SHISAL1: variants seen among roughly 807,000 people sequenced by gnomAD.
SHISAL1 encodes protein shisa-like-1.
A neutral mutation model predicts 22.6 loss-of-function variants in SHISAL1; 9 were observed. That is an observed-to-expected ratio of 0.40 (90% CI 0.24 to 0.70). The LOEUF is 0.70. Among genes scored for constraint, SHISAL1 ranks in the 30% least tolerant of loss-of-function variants. The pLI, the probability that SHISAL1 is intolerant of heterozygous loss-of-function variation, is 0.39. For missense variants in SHISAL1, 246 were observed against 270.6 expected (o/e 0.91, Z 0.64); for synonymous variants, 119 against 115.4 (o/e 1.03, Z -0.20).
chr22:44,286,968 C>G (rs2055320437), intron 3 of SHISAL1, among the ~76,000 whole-genome samples: 1 of 149,026 alleles, frequency 6.7e-6, no homozygotes, highest in Middle Eastern at 3.2e-3. Flanking sequence ...CAGTGTCCGG[C>G]CTGTACACGC....
At chr22:44,303,817 C>A (rs12160656) in intron 1 of SHISAL1, among the ~76,000 whole-genome samples, 2 of 152,192 alleles carry the variant, frequency 1.3e-5, no homozygotes, top group East Asian at 3.9e-4. Context: ...GAATCCCACC[C>A]GGGTGGGAGA....
At chr22:44,302,181 A>G (rs759693634) in intron 1 of SHISAL1, among the ~76,000 whole-genome samples, 2 of 152,060 alleles carry the variant, frequency 1.3e-5, no homozygotes, top group African/African-American at 2.4e-5. Context: ...TCTCTACGAA[A>G]AATACAAAAT....
At position 44,266,982 on chromosome 22, in the gene SHISAL1, T is replaced by A. The variant is rs557225682; in HGVS notation, c.*-17297A>T. On this transcript the variant is annotated intron_variant, in intron 4 of 4. Transcript: ENST00000381176. ...TAAAAGGCAGGCAGTGGGGTGGGGA[T>A]GACAAAGCTATTTGGTGCCAGCTAT... is the stretch of plus-strand genomic sequence containing the variant. Among the ~76,000 whole-genome samples the A allele has an allele frequency of 8.5e-5, 13 of 152,240 alleles. 1 individual carries two copies. The highest frequency in any genetic ancestry group is 5.9e-4 in the Admixed American group (9 of 15,306).
intron 3 of SHISAL1, among the ~76,000 whole-genome samples, chr22:44,292,322 G>A (rs1267815406): frequency 1.3e-5 from 2 of 152,184 alleles, no homozygotes; most frequent in African/African-American, 2.4e-5. Flanking sequence ...CTAGGATACT[G>A]GAACATCCAG....
intron 3 of SHISAL1, among the ~76,000 whole-genome samples, chr22:44,295,619 T>C (rs902185276): frequency 8.5e-5 from 13 of 152,060 alleles, no homozygotes; most frequent in Non-Finnish European, 1.3e-4. Flanking sequence ...TATGGAAACA[T>C]TCAACAAGGA....
At chr22:44,306,954 G>A (rs2055483498) in intron 1 of SHISAL1, among the ~76,000 whole-genome samples, 2 of 151,796 alleles carry the variant, frequency 1.3e-5, no homozygotes, top group Middle Eastern at 6.9e-3. Context: ...GATGGCGTGT[G>A]TGGAGGGGAC....
chr22:44,261,569 C>A (rs1473247399), intron 4 of SHISAL1, among the ~76,000 whole-genome samples: 1 of 152,198 alleles, frequency 6.6e-6, no homozygotes, highest in Admixed American at 6.5e-5. Context: ...GGCCTTATAC[C>A]ACTCTAGGCC....
intron 4 of SHISAL1, among the ~76,000 whole-genome samples, chr22:44,280,360 G>C (rs949134688): frequency 6.6e-6 from 1 of 152,076 alleles, no homozygotes; most frequent in African/African-American, 2.4e-5. Context: ...GTGTGGCCTT[G>C]GGCAAGTCAC....
intron 4 of SHISAL1, among the ~76,000 whole-genome samples, chr22:44,262,524 G>A (rs949764873): frequency 6.6e-6 from 1 of 152,230 alleles, no homozygotes. Flanking sequence ...CAGCCTCAGG[G>A]GTGGGGACCA....
In SHISAL1 at chr22:44,247,080, C is replaced by CAGTTCTAGCTGT. The variant is rs2055007666; in HGVS notation, c.*2593_*2604dup. 1 of 152,150 alleles carries CAGTTCTAGCTGT rather than the reference C, an allele frequency of 6.6e-6. No homozygotes were observed. Among genetic ancestry groups the CAGTTCTAGCTGT allele is most frequent in the Non-Finnish European group, 1.5e-5 (1 of 68,084 alleles). The allele number at this position is 152,150 out of a possible 1,614,324, so 9.4% of individuals were successfully genotyped here. Reference sequence around the variant, plus strand: ...TCTCAAGGGATGCTTAGGTGAACCCCAGTTCTAGCTGTCTATTTGGCAGTG... The same window carrying CAGTTCTAGCTGT: ...TCTCAAGGGATGCTTAGGTGAACCCCAGTTCTAGCTGTAGTTCTAGCTGTCTATTTGGCAGTG... On this transcript the variant is annotated 3_prime_UTR_variant, in exon 5 of 5. Transcript: ENST00000381176.
rs1338227595 is a variant in SHISAL1, at chr22:44,272,197, C to G, written c.599+13231G>C. Among the ~76,000 whole-genome samples the G allele has an allele frequency of 3.3e-5, 5 of 152,132 alleles. No individual in the cohort carries two copies. The East Asian group carries it at 9.6e-4, about 29-fold the overall frequency. On this transcript the variant is annotated intron_variant, in intron 4 of 4. Transcript: ENST00000381176. ...GTTGCCTTTCTCCCAACAGCTGCACCCTGGGCCCAGAGACACACAATCTCC... is the reference window on the plus strand; with the variant it reads ...GTTGCCTTTCTCCCAACAGCTGCACGCTGGGCCCAGAGACACACAATCTCC...
rs1362591597 is a variant in SHISAL1 at position 44,243,833 on chromosome 22, T to TATC, written c.*5849_*5851dup. The TATC allele has an allele frequency of 2.0e-5, 3 of 152,220 alleles. No homozygotes were observed. Among genetic ancestry groups the TATC allele is most frequent in the African/African-American group, 7.2e-5 (3 of 41,458 alleles). 9.4% of individuals were successfully genotyped at this position (152,220 alleles called of 1,614,324 possible). A position where few individuals can be genotyped will look rare whatever the true frequency, so the allele number is the denominator to read the frequency against. On this transcript the variant is annotated 3_prime_UTR_variant, in exon 5 of 5. Transcript: ENST00000381176. The stretch of plus-strand genomic sequence containing the variant: ...TATTATTGGTTTTGGTTTTCCCGGT[T>TATC]ATCAGCTCTCAGGGAGACCCCATGC...
chr22:44,304,225 C>T (rs1174058599), intron 1 of SHISAL1, among the ~76,000 whole-genome samples: 1 of 152,158 alleles, frequency 6.6e-6, no homozygotes, highest in East Asian at 1.9e-4. Flanking sequence ...AGAGTTAGGG[C>T]TCTGGGCAGG....
intron 4 of SHISAL1, among the ~76,000 whole-genome samples, chr22:44,269,250 C>T (rs1488918322): frequency 1.3e-5 from 2 of 150,718 alleles, no homozygotes; most frequent in Non-Finnish European, 3.0e-5. Flanking sequence ...ACAATATATA[C>T]ACACACGCCA....
chr22:44,312,520 A>C (rs1427854587), intron 1 of SHISAL1, among the ~76,000 whole-genome samples: 1 of 152,152 alleles, frequency 6.6e-6, no homozygotes, highest in Non-Finnish European at 1.5e-5. Flanking sequence ...GTGCACCCCC[A>C]CAGGGCTCCC....
At chr22:44,274,090 A>G (rs1371117558) in intron 4 of SHISAL1, among the ~76,000 whole-genome samples, 4 of 140,470 alleles carry the variant, frequency 2.8e-5, no homozygotes, top group Non-Finnish European at 6.2e-5. Context: ...CACTAAAAAT[A>G]CAAAAATTAG....
In SHISAL1 at chr22:44,302,642, C is replaced by T. The variant is rs529964789; in HGVS notation, c.-32-1665G>A. ...AGGGGCAAAGGCCCTGGGGTGGGTG[C>T]GGTGAGGAGGCAGCAGGGGCAAAGG... On this transcript the variant is annotated intron_variant, in intron 1 of 4. Coordinates refer to ENST00000381176, the MANE Select transcript of SHISAL1 (RefSeq NM_001099294.2). Among the ~76,000 whole-genome samples, 35 of 149,560 alleles carry T rather than the reference C, an allele frequency of 2.3e-4. No individual in the cohort carries two copies. In the South Asian group the frequency reaches 2.8e-3, roughly 12 times the overall value.
chr22:44,270,856 G>C (rs1450409057), intron 4 of SHISAL1, among the ~76,000 whole-genome samples: 2 of 152,114 alleles, frequency 1.3e-5, no homozygotes, highest in Non-Finnish European at 2.9e-5. Flanking sequence ...GCAGATCCTG[G>C]GATACAACGA....
intron 2 of SHISAL1, among the ~76,000 whole-genome samples, chr22:44,298,689 A>G (rs2055404670): frequency 6.6e-6 from 1 of 152,208 alleles, no homozygotes; most frequent in Non-Finnish European, 1.5e-5. Flanking sequence ...GAAGGGACAG[A>G]GCGGTAGGGC....
Sources: gnomAD v4.1 joint callset for allele counts (sites outside exome capture counted in the v4.1 genomes callset) on GRCh38, gnomAD v4.1.1 for gene constraint, MANE v1.5 for transcripts, NCBI Gene and HGNC (gene_info 2026-07-23, HGNC 2026-07-21) for gene names.